PIK3CB: variants seen among roughly 807,000 people sequenced by gnomAD.
The protein encoded by PIK3CB is phosphatidylinositol-4,5-bisphosphate 3-kinase catalytic subunit beta, also known as phosphatidylinositol 4,5-bisphosphate 3-kinase catalytic subunit beta isoform.
PIK3CB carries 39 observed loss-of-function variants against 136.8 expected under a neutral mutation model. The ratio of observed to expected loss-of-function variants is 0.29; its 90% CI spans 0.22 to 0.37. The LOEUF is 0.37. Ranked by LOEUF, PIK3CB falls within the 10% of genes least tolerant of loss-of-function variation. PIK3CB has a pLI of 1.00. For synonymous variants in PIK3CB, 428 were observed against 436.6 expected, an observed-to-expected ratio of 0.98 and a Z score of 0.25; for missense variants, 868 against 1,275.4, an observed-to-expected ratio of 0.68 and a Z score of 4.87.
At chr3:138,830,023 GACA>G (rs767906993) in intron 1 of PIK3CB, among the ~76,000 whole-genome samples, 1 of 152,124 alleles carries the variant, frequency 6.6e-6, no homozygotes, top group East Asian at 1.9e-4. Context: ...CACAGGACAG[GACA>G]ACATGAGATC....
At chr3:138,750,993 T>C (rs79756392) in intron 4 of PIK3CB, among the ~76,000 whole-genome samples, 4,608 of 152,254 alleles carry the variant, frequency 0.03, 236 homozygotes, top group African/African-American at 0.11. Flanking sequence ...GTTTTGGTAA[T>C]GTTTTTCAAT....
intron 21 of PIK3CB, among the ~76,000 whole-genome samples, chr3:138,659,977 G>A (rs192447258): frequency 7.3e-6 from 1 of 137,918 alleles, no homozygotes; most frequent in Admixed American, 8.3e-5. Flanking sequence ...CCAGGTTCAC[G>A]CCATTCTCCT....
intron 4 of PIK3CB, among the ~76,000 whole-genome samples, chr3:138,743,242 A>G (rs563276966): frequency 7.9e-5 from 12 of 152,206 alleles, no homozygotes; most frequent in Non-Finnish European, 1.3e-4. Context: ...TTGGTATACT[A>G]TGGGAATGGC....
intron 3 of PIK3CB, among the ~76,000 whole-genome samples, chr3:138,758,525 T>A (rs905149793): frequency 2.0e-5 from 3 of 152,218 alleles, no homozygotes; most frequent in Non-Finnish European, 4.4e-5. Flanking sequence ...AATTCTGTAT[T>A]TTCTTTTTAC....
At chr3:138,788,993 CAAAA>C (rs1259578840) in intron 2 of PIK3CB, among the ~76,000 whole-genome samples, 1 of 94,078 alleles carries the variant, frequency 1.1e-5, no homozygotes, top group African/African-American at 4.2e-5. Context: ...AAAAAAAAAA[CAAAA>C]AACAACACCA....
Position 138,733,552 on chromosome 3 carries a change from G to A in PIK3CB, c.973-114C>T, listed in dbSNP as rs1371364953. ...CTATTGGCAAAACTATGAAAATAGAGCTCTAAACTAACAACTGAAAGTCAC... is the reference window on the plus strand; with the variant it reads ...CTATTGGCAAAACTATGAAAATAGAACTCTAAACTAACAACTGAAAGTCAC... On this transcript the variant is annotated intron_variant, in intron 7 of 23. Transcript: ENST00000674063. 15 of 554,386 alleles carry A rather than the reference G, an allele frequency of 2.7e-5. No individual in the cohort carries two copies. In the East Asian group the frequency reaches 4.1e-4, roughly 15 times the overall value. The allele number at this position is 554,386 out of a possible 1,614,324, so 34.3% of individuals were successfully genotyped here. A position where few individuals can be genotyped will look rare whatever the true frequency, so the allele number is the denominator to read the frequency against.
At chr3:138,689,325 G>A (rs1400450545) in intron 15 of PIK3CB, among the ~76,000 whole-genome samples, 1 of 152,206 alleles carries the variant, frequency 6.6e-6, no homozygotes, top group Non-Finnish European at 1.5e-5. Flanking sequence ...GGAAATGCTG[G>A]TCCCTCCCCT....
chr3:138,809,000 T>G (rs1218645570), intron 1 of PIK3CB, among the ~76,000 whole-genome samples: 1 of 151,974 alleles, frequency 6.6e-6, no homozygotes, highest in African/African-American at 2.4e-5. Flanking sequence ...AACCTACAAC[T>G]TCTGGCCGGG....
In PIK3CB at chr3:138,664,048, C is replaced by T; in HGVS notation, c.2673-19G>A. The T allele has an allele frequency of 6.2e-7, 1 of 1,609,926 alleles. No homozygotes were observed. The highest frequency in any genetic ancestry group is 8.5e-7 in the Non-Finnish European group (1 of 1,178,958). On this transcript the variant is annotated intron_variant, in intron 20 of 23. Transcript: ENST00000674063. Reference sequence around the variant, plus strand: ...GTCATCCCTGAACAAGAGAAAAGAACAGAAGCAAAAAAGGTTTTCAGCCTC... The same window carrying T: ...GTCATCCCTGAACAAGAGAAAAGAATAGAAGCAAAAAAGGTTTTCAGCCTC...
intron 1 of PIK3CB, among the ~76,000 whole-genome samples, chr3:138,797,847 A>G (rs2046125734): frequency 6.6e-6 from 1 of 152,120 alleles, no homozygotes; most frequent in South Asian, 2.1e-4. Context: ...CCAGTTACTC[A>G]GAGGCCAAGG....
At chr3:138,761,487 C>G (rs1027459882) in intron 2 of PIK3CB, among the ~76,000 whole-genome samples, 1 of 152,184 alleles carries the variant, frequency 6.6e-6, no homozygotes, top group Non-Finnish European at 1.5e-5. Context: ...AAAAAACTAT[C>G]TTAGCCAGGC....
intron 2 of PIK3CB, among the ~76,000 whole-genome samples, chr3:138,785,192 G>A (rs1421084657): frequency 6.6e-6 from 1 of 151,530 alleles, no homozygotes; most frequent in African/African-American, 2.4e-5. Flanking sequence ...GAGGGAGGTG[G>A]GGGGCAGCCC....
At chr3:138,704,404 C>T (rs754237206) in intron 12 of PIK3CB, 39 bp downstream of exon 12, 29 of 1,384,586 alleles carry the variant, frequency 2.1e-5, no homozygotes, top group Non-Finnish European at 1.4e-5. Flanking sequence ...ATGTGCACAA[C>T]TCCATAAGAA....
At chr3:138,739,264 T>C (rs1197559025) in intron 5 of PIK3CB, among the ~76,000 whole-genome samples, 4 of 151,726 alleles carry the variant, frequency 2.6e-5, no homozygotes, top group African/African-American at 9.7e-5. Flanking sequence ...GCCAACATGG[T>C]GAAACCCTGT....
At position 138,834,840 on chromosome 3, in the gene PIK3CB, C is replaced by G. The variant is rs555425596; in HGVS notation, c.-267G>C. 1 of 152,020 alleles carries G rather than the reference C, an allele frequency of 6.6e-6. No homozygotes were observed. Among genetic ancestry groups the G allele is most frequent in the East Asian group, 1.9e-4 (1 of 5,210 alleles). The allele number at this position is 152,020 out of a possible 1,614,324, so 9.4% of individuals were successfully genotyped here. ...TGCCCCGCGCAGCACTACACTCGCC[C>G]CCTCCCCACTGCCATGGCCCGCTCC... On this transcript the variant is annotated 5_prime_UTR_variant, in exon 1 of 24. Coordinates refer to ENST00000674063, the MANE Select transcript of PIK3CB (RefSeq NM_006219.3).
At chr3:138,662,121 T>A (rs886109669) in intron 21 of PIK3CB, among the ~76,000 whole-genome samples, 1 of 151,774 alleles carries the variant, frequency 6.6e-6, no homozygotes, top group Non-Finnish European at 1.5e-5. Context: ...ATCTTTTTTT[T>A]TTTTTTTATT....
chr3:138,752,236 T>C (rs1020837856), intron 4 of PIK3CB, among the ~76,000 whole-genome samples: 5 of 152,146 alleles, frequency 3.3e-5, no homozygotes, highest in African/African-American at 4.8e-5. Flanking sequence ...AAAAAAAGAT[T>C]AGCCACATCA....
chr3:138,657,749 G>A lies in PIK3CB; in HGVS notation c.2883C>T (p.Thr961=), dbSNP rs2108391816. Residue 961 remains threonine (T), a synonymous_variant, in exon 22 of 24, where the codon ACC becomes ACT. Coordinates refer to ENST00000674063, the MANE Select transcript of PIK3CB (RefSeq NM_006219.3). ...IKRERVPFIL[T]YDFIHVIQQG... is the part of the protein sequence containing the mutation. ...GTTGAATGACATGGATGAAATCATA[G>A]GTAAGAATAAAAGGCACTCGCTCCC... 6.2e-7 allele frequency: 1 copy of A among 1,613,092 alleles called. No homozygotes were observed. The highest frequency in any genetic ancestry group is 8.5e-7 in the Non-Finnish European group (1 of 1,179,342).
intron 7 of PIK3CB, 127 bp downstream of exon 7, chr3:138,734,507 T>C (rs1262163716): frequency 1.8e-6 from 1 of 554,148 alleles, no homozygotes; most frequent in Non-Finnish European, 3.0e-6. Flanking sequence ...TGGTGATCGA[T>C]TTTTGGCAAA....
Sources: gnomAD v4.1 joint callset for allele counts (sites outside exome capture counted in the v4.1 genomes callset) on GRCh38, gnomAD v4.1.1 for gene constraint, MANE v1.5 for transcripts, NCBI Gene and HGNC (gene_info 2026-07-23, HGNC 2026-07-21) for gene names.